SENP2: variants seen among roughly 807,000 people sequenced by gnomAD.
The protein encoded by SENP2 is SUMO specific peptidase 2.
SENP2 carries 16 observed loss-of-function variants against 86.3 expected under a neutral mutation model. The observed-to-expected ratio is 0.19, with a 90% CI of 0.13 to 0.28. The LOEUF is 0.28. Ranked by LOEUF, SENP2 falls within the 10% of genes least tolerant of loss-of-function variation. The probability of loss-of-function intolerance (pLI) is 1.00; values close to 1 mark genes in which losing one functional copy is unlikely to be tolerated. For missense variants in SENP2, 552 were observed against 703.0 expected (o/e 0.79, Z 2.43); for synonymous variants, 222 against 238.7 (o/e 0.93, Z 0.64).
chr3:185,617,438 G>A, intron 11 of SENP2, 42 bp from the exon 12 acceptor site: 1 of 1,525,194 alleles, frequency 6.6e-7, no homozygotes, highest in South Asian at 1.3e-5. Flanking sequence ...GATAATGAAT[G>A]GTTCTATATT....
intron 1 of SENP2, among the ~76,000 whole-genome samples, chr3:185,588,717 C>T (rs1377027817): frequency 2.6e-5 from 4 of 152,100 alleles, no homozygotes; most frequent in Non-Finnish European, 5.9e-5. Flanking sequence ...CATTTGAGAA[C>T]GTGGTGTAAA....
chr3:185,629,792 C>G lies in SENP2; in HGVS notation c.1718C>G (p.Pro573Arg), dbSNP rs144387716. ...TGGGGTTCTTTGCAGCACCAGATGC[C>G]TCTCTTCCGGAAGAAGATGGTGTGG... ...KPITFTQHQM[P>R]LFRKKMVWEI... Residue 573 changes from proline to arginine, a missense_variant, in exon 17 of 17, where the codon CCT becomes CGT. By Grantham distance (103) the Pro-to-Arg change is moderately radical. This residue lies in a region of SENP2 where 169 missense variants were observed against 275.7 expected (regional missense o/e 0.61). Coordinates refer to ENST00000296257, the MANE Select transcript of SENP2 (RefSeq NM_021627.3). 52 of 1,614,178 alleles carry G rather than the reference C, an allele frequency of 3.2e-5. No individual in the cohort carries two copies. The African/African-American group carries it at 5.5e-4, about 17-fold the overall frequency.
At chr3:185,622,004 A>AT in intron 14 of SENP2, 99 bp downstream of exon 14, 1 of 665,990 alleles carries the variant, frequency 1.5e-6, no homozygotes, top group East Asian at 2.7e-5. Flanking sequence ...TGTGTAGTTA[A>AT]GGCTATTTCA....
chr3:185,612,114 G>A (rs1002644724), intron 8 of SENP2: 5 of 162,098 alleles, frequency 3.1e-5, no homozygotes, highest in South Asian at 1.7e-4. Context: ...CCAAGATCAC[G>A]CCACTGCACT....
chr3:185,611,430 C>G (rs1254709483), intron 7 of SENP2: 1 of 382,900 alleles, frequency 2.6e-6, no homozygotes, highest in Admixed American at 4.1e-5. Context: ...ATTTTACAAA[C>G]AGAGAAACTG....
Position 185,598,478 on chromosome 3 carries a change from A to C in SENP2, c.224A>C (p.Gln75Pro), listed in dbSNP as rs1722245487. The change falls in exon 3 of 17, where the codon CAG (glutamine) becomes CCG (proline). Residue 75 changes from glutamine to proline, a missense_variant. Physicochemically the swap from Gln to Pro is moderately conservative, Grantham distance 76. Coordinates refer to ENST00000296257, the MANE Select transcript of SENP2 (RefSeq NM_021627.3). Reference sequence around the variant, plus strand: ...GCCAGCTTATTTGGATTCCCATTCCAGCTGACCACAAAGCCCATGGTAACT... The same window carrying C: ...GCCAGCTTATTTGGATTCCCATTCCCGCTGACCACAAAGCCCATGGTAACT... Reference protein sequence around the residue: ...NAASLFGFPFQLTTKPMVTSA... With the variant: ...NAASLFGFPFPLTTKPMVTSA... 1 of 1,614,028 alleles carries C rather than the reference A, an allele frequency of 6.2e-7. No individual in the cohort carries two copies. The highest frequency in any genetic ancestry group is 1.7e-5 in the Admixed American group (1 of 59,978).
chr3:185,598,101 C>G (rs1722234032), intron 2 of SENP2, among the ~76,000 whole-genome samples: 1 of 152,204 alleles, frequency 6.6e-6, no homozygotes, highest in South Asian at 2.1e-4. Context: ...TAGCCTCAAT[C>G]TTCTGGGCTC....
chr3:185,591,064 C>G (rs1481033551), intron 2 of SENP2, among the ~76,000 whole-genome samples: 1 of 150,100 alleles, frequency 6.7e-6, no homozygotes, highest in African/African-American at 2.4e-5. Flanking sequence ...ACCACCACAC[C>G]TGGCTAGTTT....
chr3:185,627,237 A>G (rs1327256932), intron 16 of SENP2, among the ~76,000 whole-genome samples: 1 of 152,072 alleles, frequency 6.6e-6, no homozygotes, highest in Non-Finnish European at 1.5e-5. Context: ...CAATTTGCAA[A>G]TCTCTGAACT....
intron 4 of SENP2, among the ~76,000 whole-genome samples, chr3:185,600,264 A>T (rs1194233319): frequency 1.3e-5 from 2 of 152,116 alleles, no homozygotes; most frequent in African/African-American, 4.8e-5. Flanking sequence ...TGTTTCTGTG[A>T]GTTTTGTGTA....
At chr3:185,624,597 C>T (rs1304632828) in intron 15 of SENP2, among the ~76,000 whole-genome samples, 1 of 151,962 alleles carries the variant, frequency 6.6e-6, no homozygotes, top group Non-Finnish European at 1.5e-5. Context: ...AAGTTTGGGC[C>T]AGGCGCGGTG....
chr3:185,608,367 T>C (rs1236739943), intron 6 of SENP2, among the ~76,000 whole-genome samples: 4 of 152,254 alleles, frequency 2.6e-5, no homozygotes, highest in Non-Finnish European at 5.9e-5. Context: ...GCAAGGACGT[T>C]ATCTGTTGAT....
At chr3:185,612,701 T>C in intron 9 of SENP2, 43 bp downstream of exon 9, 1 of 1,370,412 alleles carries the variant, frequency 7.3e-7, no homozygotes, top group Non-Finnish European at 1.0e-6. Context: ...TTAATATATA[T>C]TTTCTTACTT....
At chr3:185,605,034 G>A (rs991265543) in intron 5 of SENP2, among the ~76,000 whole-genome samples, 3 of 150,984 alleles carry the variant, frequency 2.0e-5, no homozygotes, top group South Asian at 4.2e-4. Context: ...GATTACAGGC[G>A]TGAGCCACCG....
At chr3:185,628,508 ACTT>A (rs1279255842) in intron 16 of SENP2, among the ~76,000 whole-genome samples, 2 of 151,662 alleles carry the variant, frequency 1.3e-5, no homozygotes, top group East Asian at 3.9e-4. Context: ...AATAATGTGA[ACTT>A]CTTTTTTTGT....
At chr3:185,613,211 C>T (rs953354147) in intron 9 of SENP2, 134 bp from the exon 10 acceptor site, 4 of 614,096 alleles carry the variant, frequency 6.5e-6, no homozygotes, top group Non-Finnish European at 1.1e-5. Flanking sequence ...AGTTCGTTGA[C>T]TCCTGGTTTA....
chr3:185,599,675 G>T (rs1054001560), intron 4 of SENP2, among the ~76,000 whole-genome samples: 1 of 152,140 alleles, frequency 6.6e-6, no homozygotes, highest in Non-Finnish European at 1.5e-5. Context: ...ATAAGGAAAT[G>T]ATAAAAGCCT....
At chr3:185,599,387 TTCA>T (rs1722272695) in intron 4 of SENP2, among the ~76,000 whole-genome samples, 1 of 151,992 alleles carries the variant, frequency 6.6e-6, no homozygotes, top group African/African-American at 2.4e-5. Context: ...CCTTTAGGAG[TTCA>T]TCATCTAGTT....
At chr3:185,599,143 C>T (rs2148983722) in intron 4 of SENP2, 119 bp downstream of exon 4, 2 of 703,664 alleles carry the variant, frequency 2.8e-6, no homozygotes, top group Admixed American at 5.9e-5. Context: ...GACATTCTTT[C>T]TACCGTTCTA....
Sources: allele counts gnomAD v4.1 joint callset (sites outside exome capture counted in the v4.1 genomes callset), GRCh38; gene constraint gnomAD v4.1.1; regional missense constraint gnomAD v4.1.1; transcripts MANE v1.5; gene names NCBI Gene and HGNC (gene_info 2026-07-23, HGNC 2026-07-21).